LUZP2: variants seen among roughly 807,000 people sequenced by gnomAD.
LUZP2 encodes the protein leucine zipper protein 2.
A neutral mutation model predicts 51.6 loss-of-function variants in LUZP2; 52 were observed. The observed-to-expected ratio is 1.01, with a 90% CI of 0.81 to 1.27. The LOEUF (loss-of-function observed/expected upper bound fraction) is 1.27, where lower values mean the gene tolerates loss of function less well. LUZP2 is among the 50% of genes most tolerant of loss of function. The probability of loss-of-function intolerance (pLI) is 0.00; values close to 1 mark genes in which losing one functional copy is unlikely to be tolerated. For missense variants in LUZP2, 436 were observed against 395.4 expected (o/e 1.10, Z -0.87); for synonymous variants, 154 against 137.3 (o/e 1.12, Z -0.85).
At chr11:24,664,812 G>A (rs1263128419) in intron 1 of LUZP2, among the ~76,000 whole-genome samples, 1 of 148,894 alleles carries the variant, frequency 6.7e-6, no homozygotes, top group African/African-American at 2.4e-5. Context: ...TTCAGAGGAT[G>A]TATGGAAATG....
intron 1 of LUZP2, among the ~76,000 whole-genome samples, chr11:24,671,953 A>T (rs1236799924): frequency 1.3e-5 from 2 of 152,170 alleles, no homozygotes; most frequent in African/African-American, 4.8e-5. Context: ...AAAAAAAACC[A>T]CTCAATTTGC....
At chr11:24,876,314 A>C (rs3926542) in intron 5 of LUZP2, among the ~76,000 whole-genome samples, 66,560 of 144,100 alleles carry the variant, frequency 0.46, 15,466 homozygotes, top group East Asian at 0.68. Flanking sequence ...CTTTCTACAT[A>C]TGGCTAGCCA....
intron 1 of LUZP2, among the ~76,000 whole-genome samples, chr11:24,726,327 G>A (rs1209498327): frequency 2.6e-5 from 4 of 151,994 alleles, no homozygotes; most frequent in African/African-American, 7.2e-5. Flanking sequence ...AGGTGAAGGT[G>A]TGAAGAACAC....
chr11:24,627,378 T>A (rs532961377), intron 1 of LUZP2, among the ~76,000 whole-genome samples: 1 of 152,306 alleles, frequency 6.6e-6, no homozygotes, highest in East Asian at 1.9e-4. Flanking sequence ...ATGTCAGTGC[T>A]CATTCAGGCA....
At chr11:24,568,953 T>G (rs1407140410) in intron 1 of LUZP2, among the ~76,000 whole-genome samples, 1 of 151,924 alleles carries the variant, frequency 6.6e-6, no homozygotes, top group African/African-American at 2.4e-5. Context: ...TGTGTAAACC[T>G]TAAGGGAAAA....
chr11:24,558,200 T>C (rs537496775), intron 1 of LUZP2, among the ~76,000 whole-genome samples: 14 of 152,184 alleles, frequency 9.2e-5, no homozygotes, highest in Admixed American at 8.5e-4. Flanking sequence ...CCCAGGATTC[T>C]AGGGATTTCA....
chr11:24,892,325 C>G, intron 5 of LUZP2: 5 of 985,280 alleles, frequency 5.1e-6, no homozygotes, highest in Non-Finnish European at 6.0e-6. Flanking sequence ...TCTGTCTGGC[C>G]TCGAAAGACA....
At chr11:24,521,070 G>T (rs1243407161) in intron 1 of LUZP2, among the ~76,000 whole-genome samples, 1 of 152,180 alleles carries the variant, frequency 6.6e-6, no homozygotes, top group African/African-American at 2.4e-5. Context: ...AGATTGTGTG[G>T]CTGGGCGTGG....
intron 5 of LUZP2, among the ~76,000 whole-genome samples, chr11:24,870,546 C>G (rs1852036847): frequency 6.6e-6 from 1 of 151,794 alleles, no homozygotes; most frequent in East Asian, 1.9e-4. Context: ...ATTTCTATTA[C>G]TTGTGACTAA....
intron 1 of LUZP2, among the ~76,000 whole-genome samples, chr11:24,600,462 A>G (rs1853590635): frequency 6.6e-6 from 1 of 152,132 alleles, no homozygotes; most frequent in East Asian, 1.9e-4. Flanking sequence ...GCAATAGGAA[A>G]CTAACAGAGG....
At chr11:24,638,847 C>T (rs900216830) in intron 1 of LUZP2, among the ~76,000 whole-genome samples, 21 of 151,346 alleles carry the variant, frequency 1.4e-4, no homozygotes, top group African/African-American at 4.9e-4. Context: ...ATCACAGATA[C>T]TGAATCAAAT....
chr11:24,944,304 C>A (rs1416400737), intron 7 of LUZP2, among the ~76,000 whole-genome samples: 1 of 152,174 alleles, frequency 6.6e-6, no homozygotes, highest in Non-Finnish European at 1.5e-5. Flanking sequence ...CCTCAGTATT[C>A]AGATGAGGTA....
chr11:24,828,245 C>T (rs1040896124), intron 5 of LUZP2, among the ~76,000 whole-genome samples: 2 of 152,078 alleles, frequency 1.3e-5, no homozygotes, highest in Admixed American at 1.3e-4. Flanking sequence ...GTCACATTTC[C>T]TTTTAATCTC....
chr11:24,664,120 G>C (rs1856128313), intron 1 of LUZP2, among the ~76,000 whole-genome samples: 1 of 152,112 alleles, frequency 6.6e-6, no homozygotes, highest in African/African-American at 2.4e-5. Context: ...GAAGAGCTTG[G>C]AGAACTCAGA....
intron 9 of LUZP2, among the ~76,000 whole-genome samples, chr11:25,027,534 C>T (rs545666066): frequency 4.6e-5 from 7 of 152,130 alleles, no homozygotes; most frequent in Non-Finnish European, 8.8e-5. Flanking sequence ...GTTACCAGTA[C>T]GAACTCTATC....
At position 24,786,294 on chromosome 11, in the gene LUZP2, T is replaced by C. The variant is rs1033462765; in HGVS notation, c.396+22986T>C. 1.0e-5 allele frequency: 10 copies of C among 975,778 alleles called. No individual in the cohort carries two copies. In the African/African-American group the frequency reaches 1.2e-4, roughly 12 times the overall value. The allele number at this position is 975,778 out of a possible 1,614,324, so 60.4% of individuals were successfully genotyped here. On this transcript the variant is annotated intron_variant, in intron 5 of 11. Transcript: ENST00000336930. Reference sequence around the variant, plus strand: ...TTATAAAATACAGGAACATAGAAAATAGTATGTTTTATTATTTTACCACGG... The same window carrying C: ...TTATAAAATACAGGAACATAGAAAACAGTATGTTTTATTATTTTACCACGG...
chr11:24,616,263 C>G (rs1399353971), intron 1 of LUZP2, among the ~76,000 whole-genome samples: 4 of 152,002 alleles, frequency 2.6e-5, no homozygotes, highest in Admixed American at 2.6e-4. Flanking sequence ...TGCCAATTCT[C>G]TGCGTAGCCA....
intron 7 of LUZP2, among the ~76,000 whole-genome samples, chr11:24,927,829 G>C (rs1473390318): frequency 6.6e-6 from 1 of 151,958 alleles, no homozygotes; most frequent in Admixed American, 6.6e-5. Context: ...GCTTTTGGTG[G>C]TATGGTCATT....
At chr11:24,712,078 T>C (rs1291311534) in intron 1 of LUZP2, among the ~76,000 whole-genome samples, 3 of 152,094 alleles carry the variant, frequency 2.0e-5, no homozygotes, top group African/African-American at 7.2e-5. Flanking sequence ...TAAAGACAAA[T>C]AGTATTCAGG....
Sources: allele counts gnomAD v4.1 joint callset (sites outside exome capture counted in the v4.1 genomes callset), GRCh38; gene constraint gnomAD v4.1.1; transcripts MANE v1.5; gene names NCBI Gene and HGNC (gene_info 2026-07-23, HGNC 2026-07-21).